Variants in PTBP3 observed in about 807,000 individuals in gnomAD.
The protein encoded by PTBP3 is polypyrimidine tract binding protein 3.
A neutral mutation model predicts 58.7 loss-of-function variants in PTBP3; 20 were observed. The ratio of observed to expected loss-of-function variants is 0.34; its 90% confidence interval spans 0.24 to 0.50. The LOEUF (loss-of-function observed/expected upper bound fraction) is 0.50, where lower values mean the gene tolerates loss of function less well. Ranked by LOEUF, PTBP3 falls within the 20% of genes least tolerant of loss-of-function variation. The pLI, the probability that PTBP3 is intolerant of heterozygous loss-of-function variation, is 0.98. For synonymous variants in PTBP3, 185 were observed against 219.8 expected, an observed-to-expected ratio of 0.84 and a Z score of 1.40; for missense variants, 509 against 637.2, an observed-to-expected ratio of 0.80 and a Z score of 2.17.
intron 2 of PTBP3, among the ~76,000 whole-genome samples, chr9:112,285,266 G>A (rs1405131674): frequency 1.3e-5 from 2 of 152,022 alleles, no homozygotes; most frequent in African/African-American, 2.4e-5. Context: ...ACTCTCTCTC[G>A]CCTGCTGCCA....
At chr9:112,317,992 A>T (rs1332763049) in intron 1 of PTBP3, among the ~76,000 whole-genome samples, 2 of 152,194 alleles carry the variant, frequency 1.3e-5, no homozygotes, top group Non-Finnish European at 2.9e-5. Context: ...ACATGCATAA[A>T]TCCCAACAAC....
At chr9:112,280,431 A>T (rs1251506564) in intron 2 of PTBP3, among the ~76,000 whole-genome samples, 1 of 152,176 alleles carries the variant, frequency 6.6e-6, no homozygotes, top group Non-Finnish European at 1.5e-5. Context: ...TGTTGAATAG[A>T]ATCAATAAGA....
At chr9:112,312,487 TG>T (rs1829524384) in intron 1 of PTBP3, among the ~76,000 whole-genome samples, 38 of 57,114 alleles carry the variant, frequency 6.7e-4, no homozygotes, top group East Asian at 1.5e-3. Flanking sequence ...TTTTTTTTTT[TG>T]TTTTTTTTTT....
intron 2 of PTBP3, among the ~76,000 whole-genome samples, chr9:112,293,994 G>GAATATAGC (rs1828558479): frequency 6.6e-6 from 1 of 152,098 alleles, no homozygotes; most frequent in Admixed American, 6.5e-5. Context: ...ACCTATAACT[G>GAATATAGC]AATATAGCAT....
chr9:112,347,201 C>G, the PTBP3 span, among the ~76,000 whole-genome samples: 1 of 151,956 alleles, frequency 6.6e-6, no homozygotes, highest in Non-Finnish European at 1.5e-5. Context: ...AGCCTATCAA[C>G]AAGAGAAATG....
intron 7 of PTBP3, among the ~76,000 whole-genome samples, chr9:112,250,329 A>G (rs1172807309): frequency 1.3e-5 from 2 of 152,134 alleles, no homozygotes; most frequent in Non-Finnish European, 2.9e-5. Flanking sequence ...TGGGCCATCC[A>G]TTGCTTTTTC....
intron 1 of PTBP3, among the ~76,000 whole-genome samples, chr9:112,319,453 G>A (rs551803436): frequency 5.3e-4 from 80 of 152,238 alleles, no homozygotes; most frequent in African/African-American, 1.4e-3. Flanking sequence ...ATATAAAAAC[G>A]TGTTTAACAT....
chr9:112,223,200 T>C lies in PTBP3; in HGVS notation c.*651A>G, dbSNP rs886739892. The C allele has an allele frequency of 2.1e-6, 2 of 930,978 alleles. No individual in the cohort carries two copies. The highest frequency in any genetic ancestry group is 6.2e-5 in the Admixed American group (1 of 16,168). The allele number at this position is 930,978 out of a possible 1,614,324, so 57.7% of individuals were successfully genotyped here. A position where few individuals can be genotyped will look rare whatever the true frequency, so the allele number is the denominator to read the frequency against. ...TGAGACACTGCATTTTTCCAAATAG[T>C]CTTAAAAAGTTAAAGATAGGCATTA... On this transcript the variant is annotated 3_prime_UTR_variant, in exon 14 of 14. Transcript: ENST00000374257.
At chr9:112,270,788 T>TA (rs1343474174) in intron 3 of PTBP3, among the ~76,000 whole-genome samples, 1 of 152,160 alleles carries the variant, frequency 6.6e-6, no homozygotes, top group Non-Finnish European at 1.5e-5. Context: ...CACATGGCTT[T>TA]AGTGTTCCCA....
the PTBP3 span, among the ~76,000 whole-genome samples, chr9:112,345,074 G>A: frequency 3.9e-5 from 6 of 151,988 alleles, no homozygotes; most frequent in South Asian, 6.2e-4. Context: ...CGGAGGTTGC[G>A]GTGAGCCGAG....
At chr9:112,320,291 AAT>A (rs1288195199) in intron 1 of PTBP3, among the ~76,000 whole-genome samples, 8 of 73,564 alleles carry the variant, frequency 1.1e-4, no homozygotes, top group Non-Finnish European at 1.8e-4. Context: ...AAAAAAAAAA[AAT>A]ATATATATAT....
the PTBP3 span, among the ~76,000 whole-genome samples, chr9:112,355,093 G>A: frequency 2.0e-5 from 3 of 152,164 alleles, no homozygotes; most frequent in South Asian, 2.1e-4. Flanking sequence ...CACACCCACC[G>A]TGGATTTTCT....
intron 2 of PTBP3, among the ~76,000 whole-genome samples, chr9:112,277,943 TAATATAACATAAC>T (rs1423398582): frequency 0.12 from 12,549 of 101,090 alleles, 775 homozygotes; most frequent in East Asian, 0.22. Flanking sequence ...TAACATAACA[TAATATAACATAAC>T]ATAACATAAC....
intron 2 of PTBP3, 23 bp downstream of exon 2, chr9:112,297,809 T>C (rs775622626): frequency 5.1e-5 from 71 of 1,402,950 alleles, no homozygotes; most frequent in Middle Eastern, 2.0e-4. Context: ...AAATCAAATA[T>C]TAAAAAAAAA....
chr9:112,264,040 G>C (rs10122852), intron 4 of PTBP3, among the ~76,000 whole-genome samples: 40,105 of 151,864 alleles, frequency 0.26, 6,585 homozygotes, highest in South Asian at 0.4. Context: ...TCCTATTATG[G>C]GAAATAATTT....
At chr9:112,333,635 G>A (rs1188842578), upstream of PTBP3, 6 of 750,502 alleles carry the variant, frequency 8.0e-6, no homozygotes, top group South Asian at 2.3e-5. Flanking sequence ...CAGGGGCGGG[G>A]ACCGGGCACG....
chr9:112,320,629 C>T (rs373991353), intron 1 of PTBP3, among the ~76,000 whole-genome samples: 1 of 151,650 alleles, frequency 6.6e-6, no homozygotes, highest in African/African-American at 2.4e-5. Context: ...CAAAACAACT[C>T]GACTTTAAGA....
At chr9:112,363,579 T>TTACA in the PTBP3 span, among the ~76,000 whole-genome samples, 1 of 151,322 alleles carries the variant, frequency 6.6e-6, no homozygotes, top group East Asian at 1.9e-4. Flanking sequence ...TCTTGACCTA[T>TTACA]TAGTCTTGGT....
chr9:112,377,700 G>C, the PTBP3 span, among the ~76,000 whole-genome samples: 2 of 152,332 alleles, frequency 1.3e-5, no homozygotes, highest in Admixed American at 1.3e-4. Flanking sequence ...TTTTTAGGTA[G>C]TTTTATCAAG....
Sources: gnomAD v4.1 joint callset for allele counts (sites outside exome capture counted in the v4.1 genomes callset) on GRCh38, gnomAD v4.1.1 for gene constraint, MANE v1.5 for transcripts, NCBI Gene and HGNC (gene_info 2026-07-23, HGNC 2026-07-21) for gene names.